The following FOXK2 variants were observed in gnomAD, a reference collection of about 807,000 sequenced individuals.
The protein encoded by FOXK2 is forkhead box K2, also known as forkhead box protein K2.
Under a neutral mutation model 53.3 loss-of-function variants are expected in FOXK2, and 24 were observed. The ratio of observed to expected loss-of-function variants is 0.45; its 90% confidence interval spans 0.33 to 0.63. FOXK2 has a LOEUF of 0.63. Ranked by LOEUF, FOXK2 falls within the 30% of genes least tolerant of loss-of-function variation. The probability of loss-of-function intolerance (pLI) is 0.03; values close to 1 mark genes in which losing one functional copy is unlikely to be tolerated. For synonymous variants in FOXK2, 505 were observed against 407.1 expected (o/e 1.24, Z -2.89); for missense variants, 952 against 910.5 (o/e 1.05, Z -0.59).
rs758813341 is a variant in FOXK2 at position 82,521,736 on chromosome 17, T to C, written c.419+1429T>C. 3.7e-3 allele frequency among the ~76,000 whole-genome samples: 485 copies of C among 131,642 alleles called. 2 individuals carry two copies. The highest frequency in any genetic ancestry group is 5.8e-3 in the Admixed American group (74 of 12,788). The allele number at this position is 131,642 out of a possible 152,430, so 86.4% of individuals were successfully genotyped here. A position where few individuals can be genotyped will look rare whatever the true frequency, so the allele number is the denominator to read the frequency against. On this transcript the variant is annotated intron_variant, in intron 1 of 8. Transcript: ENST00000335255. ...CACGAGGTCAGGAGGTCGAGACCAT[T>C]CTGGCTAACACGGTGAAACCCGTCT...
In FOXK2 at chr17:82,587,273, G is replaced by T. The variant is rs111566326; in HGVS notation, c.1786+1G>T. On this transcript the variant is annotated splice_donor_variant, in intron 8 of 8. Transcript: ENST00000335255. LOFTEE classifies it high-confidence loss of function. ...GCGGTCCACGGCCAGGTGAACAATG[G>T]TAAGACATGCTGGTCGGTGGCTCCC... The T allele has an allele frequency of 6.2e-7, 1 of 1,611,104 alleles. No individual in the cohort carries two copies. Among genetic ancestry groups the T allele is most frequent in the Non-Finnish European group, 8.5e-7 (1 of 1,179,162 alleles).
chr17:82,597,245 C>T (rs2045323598), intron 8 of FOXK2, among the ~76,000 whole-genome samples: 1 of 152,254 alleles, frequency 6.6e-6, no homozygotes, highest in South Asian at 2.1e-4. Flanking sequence ...ACAGACCCTT[C>T]TGCCTTATTC....
intron 2 of FOXK2, among the ~76,000 whole-genome samples, chr17:82,566,377 T>G (rs528680077): frequency 2.0e-5 from 3 of 152,132 alleles, no homozygotes; most frequent in African/African-American, 7.2e-5. Context: ...CATCAGGGCC[T>G]TCTCGTTGCT....
intron 3 of FOXK2, among the ~76,000 whole-genome samples, chr17:82,569,317 C>T (rs1036719905): frequency 2.0e-5 from 3 of 152,184 alleles, no homozygotes; most frequent in East Asian, 1.9e-4. Flanking sequence ...GCAAGGAGGG[C>T]GCGTCGCGTG....
In FOXK2 at chr17:82,601,571, C is replaced by T; in HGVS notation, c.*72C>T. 6.9e-7 allele frequency: 1 copy of T among 1,459,572 alleles called. No homozygotes were observed. Among genetic ancestry groups the T allele is most frequent in the Non-Finnish European group, 9.2e-7 (1 of 1,089,752 alleles). 90.4% of individuals were successfully genotyped at this position (1,459,572 alleles called of 1,614,324 possible). A position where few individuals can be genotyped will look rare whatever the true frequency, so the allele number is the denominator to read the frequency against. Reference sequence around the variant, plus strand: ...AAGGAGACGCGGCCTCCCGCCAGCACTCGGGGGTGCAGGGCCCTGTGGTTG... The same window carrying T: ...AAGGAGACGCGGCCTCCCGCCAGCATTCGGGGGTGCAGGGCCCTGTGGTTG... On this transcript the variant is annotated 3_prime_UTR_variant, in exon 9 of 9. Coordinates refer to ENST00000335255, the MANE Select transcript of FOXK2 (RefSeq NM_004514.4).
At chr17:82,520,807 A>G (rs147839323) in intron 1 of FOXK2, among the ~76,000 whole-genome samples, 1 of 152,346 alleles carries the variant, frequency 6.6e-6, no homozygotes, top group Non-Finnish European at 1.5e-5. Context: ...TGTTTTAAGC[A>G]GGAAGGACTC....
At chr17:82,573,454 T>C (rs896193657) in intron 4 of FOXK2, among the ~76,000 whole-genome samples, 1 of 151,968 alleles carries the variant, frequency 6.6e-6, no homozygotes, top group Non-Finnish European at 1.5e-5. Context: ...CAGGGTCTCT[T>C]AACATATTGC....
At chr17:82,535,016 A>AT (rs1264975231) in intron 1 of FOXK2, among the ~76,000 whole-genome samples, 34 of 152,284 alleles carry the variant, frequency 2.2e-4, no homozygotes, top group African/African-American at 8.2e-4. Flanking sequence ...AGTAGCTGGG[A>AT]TTACAGATGC....
intron 1 of FOXK2, among the ~76,000 whole-genome samples, chr17:82,535,664 T>C (rs570368806): frequency 5.8e-4 from 89 of 152,308 alleles, no homozygotes; most frequent in African/African-American, 2.1e-3. Context: ...TTCTGTTTTG[T>C]TCCTTTTTAT....
chr17:82,541,383 G>T (rs906944930), intron 1 of FOXK2, among the ~76,000 whole-genome samples: 1 of 147,376 alleles, frequency 6.8e-6, no homozygotes, highest in Non-Finnish European at 1.5e-5. Flanking sequence ...AGTGATTCTC[G>T]TGCCTCAGCC....
chr17:82,589,625 C>G (rs546944166), intron 8 of FOXK2, among the ~76,000 whole-genome samples: 2 of 151,872 alleles, frequency 1.3e-5, no homozygotes, highest in Non-Finnish European at 2.9e-5. Flanking sequence ...AGGACAGTGT[C>G]AGCACTGAGG....
At chr17:82,539,499 A>G (rs956855677) in intron 1 of FOXK2, among the ~76,000 whole-genome samples, 11 of 151,740 alleles carry the variant, frequency 7.2e-5, no homozygotes, top group South Asian at 2.1e-4. Context: ...AAATGAAACA[A>G]TTAGCTCTGT....
At chr17:82,582,091 A>G (rs1253157932) in intron 4 of FOXK2, among the ~76,000 whole-genome samples, 1 of 152,142 alleles carries the variant, frequency 6.6e-6, no homozygotes, top group Non-Finnish European at 1.5e-5. Context: ...TTTTAATGGC[A>G]TGACAGATTC....
intron 1 of FOXK2, among the ~76,000 whole-genome samples, chr17:82,531,372 C>CT (rs1488822144): frequency 6.6e-6 from 1 of 152,044 alleles, no homozygotes; most frequent in South Asian, 2.1e-4. Context: ...GTTGCTCCCA[C>CT]TTTTTTTTGT....
At chr17:82,565,222 TA>T (rs1598214919) in intron 2 of FOXK2, among the ~76,000 whole-genome samples, 1 of 152,190 alleles carries the variant, frequency 6.6e-6, no homozygotes, top group East Asian at 1.9e-4. Flanking sequence ...ATAAAATTCT[TA>T]GAAGAAAACA....
At chr17:82,587,028 T>C in intron 7 of FOXK2, 35 bp from the exon 8 acceptor site, 1 of 1,591,610 alleles carries the variant, frequency 6.3e-7, no homozygotes, top group Non-Finnish European at 8.6e-7. Context: ...TGCTTTCCAG[T>C]AATATTAATG....
At chr17:82,558,966 G>T (rs551755357) in intron 1 of FOXK2, among the ~76,000 whole-genome samples, 1 of 152,212 alleles carries the variant, frequency 6.6e-6, no homozygotes, top group Non-Finnish European at 1.5e-5. Flanking sequence ...ATCCAGGATG[G>T]TCTCGATCTC....
chr17:82,584,111 C>T lies in FOXK2; in HGVS notation c.1202C>T (p.Pro401Leu). 2 of 1,611,446 alleles carry T rather than the reference C, an allele frequency of 1.2e-6. No homozygotes were observed. Among genetic ancestry groups the T allele is most frequent in the Non-Finnish European group, 1.7e-6 (2 of 1,179,888 alleles). Residue 401 changes from proline to leucine, a missense_variant, in exon 6 of 9, where the codon CCC becomes CTC. Transcript: ENST00000335255. ...ESLSREGSPA[P>L]LEPEPGAAQP... is the part of the protein sequence containing the mutation. The stretch of plus-strand genomic sequence containing the variant: ...CTGTCGAGGGAAGGTTCGCCGGCCC[C>T]CCTGGAGCCTGAGCCTGGCGCTGCA...
At chr17:82,566,650 G>A (rs951776531) in intron 2 of FOXK2, among the ~76,000 whole-genome samples, 2 of 152,166 alleles carry the variant, frequency 1.3e-5, no homozygotes, top group Non-Finnish European at 2.9e-5. Context: ...TGACAGCAGC[G>A]GTGGGTGCAG....
Sources: gnomAD v4.1 joint callset for allele counts (sites outside exome capture counted in the v4.1 genomes callset) on GRCh38, gnomAD v4.1.1 for gene constraint, MANE v1.5 for transcripts, NCBI Gene and HGNC (gene_info 2026-07-23, HGNC 2026-07-21) for gene names.